Variants in TCF20 observed in about 807,000 individuals in gnomAD.
TCF20 encodes the protein transcription factor 20, also known as SPRE-binding protein.
A neutral mutation model predicts 148.6 loss-of-function variants in TCF20; 3 were observed. The observed-to-expected ratio is 0.02, with a 90% CI of 0.01 to 0.05. TCF20 has a LOEUF of 0.05. TCF20 is among the 10% of genes least tolerant of loss of function. The probability of loss-of-function intolerance (pLI) is 1.00; values close to 1 mark genes in which losing one functional copy is unlikely to be tolerated. For synonymous variants in TCF20, 1,049 were observed against 909.5 expected (o/e 1.15, Z -2.76); for missense variants, 2,350 against 2,429.3 (o/e 0.97, Z 0.69).
chr22:42,268,957 A>G (rs1241314459), intron 1 of TCF20, among the ~76,000 whole-genome samples: 1 of 152,224 alleles, frequency 6.6e-6, no homozygotes, highest in Non-Finnish European at 1.5e-5. Context: ...CAGAGCACAA[A>G]ATGAGAGATA....
intron 1 of TCF20, among the ~76,000 whole-genome samples, chr22:42,245,381 C>T (rs1458017998): frequency 6.6e-6 from 1 of 152,136 alleles, no homozygotes; most frequent in African/African-American, 2.4e-5. Context: ...CTCCTTTACT[C>T]CTGTCTCATT....
chr22:42,244,761 T>G (rs1924765063), intron 1 of TCF20, among the ~76,000 whole-genome samples: 1 of 151,964 alleles, frequency 6.6e-6, no homozygotes, highest in Admixed American at 6.6e-5. Flanking sequence ...AATGATTAAT[T>G]TTGTCACGTG....
At chr22:42,178,837 A>G (rs1358851398) in intron 3 of TCF20, among the ~76,000 whole-genome samples, 2 of 151,914 alleles carry the variant, frequency 1.3e-5, no homozygotes, top group African/African-American at 4.8e-5. Flanking sequence ...CCGGCCTACA[A>G]ATAATTCTTA....
rs565433791 is a variant in TCF20, at chr22:42,200,125, T to C, written c.5655+9526A>G. On this transcript the variant is annotated intron_variant, in intron 2 of 5. Transcript: ENST00000677622. ...TGTATTAGAATCTAGTGTTGACTTA[T>C]CTAAACATGTATATTAGGCTGAACT... 2.0e-4 allele frequency among the ~76,000 whole-genome samples: 31 copies of C among 152,218 alleles called. 1 individual carries two copies. Among genetic ancestry groups the C allele is most frequent in the Non-Finnish European group, 1.8e-4 (12 of 68,030 alleles).
rs1927286657 is a variant in TCF20, at chr22:42,299,130, CA to C, written c.-37+44348del. ...GAACGGAGACCTGGAGGGGTACCCC[CA>C]AAAATCTGGACTTGGCCCTGCAGGC... On this transcript the variant is annotated intron_variant, in intron 1 of 1. Transcript: ENST00000515426. This position sits in a 1 kb window ranked among gnomAD's most constrained non-coding sequence, Gnocchi z 4.1. Among the ~76,000 whole-genome samples the C allele has an allele frequency of 6.6e-6, 1 of 152,188 alleles. No homozygotes were observed. The highest frequency in any genetic ancestry group is 2.4e-5 in the African/African-American group (1 of 41,436).
chr22:42,215,459 G>T, intron 1 of TCF20, 118 bp from the exon 2 acceptor site: 3 of 1,303,292 alleles, frequency 2.3e-6, no homozygotes, highest in Non-Finnish European at 3.0e-6. Flanking sequence ...TGACTGGTTT[G>T]AATTTCTATT....
chr22:42,249,519 C>T (rs79951539), intron 1 of TCF20, among the ~76,000 whole-genome samples: 1,950 of 152,264 alleles, frequency 0.013, 41 homozygotes, highest in African/African-American at 0.044. Context: ...GATAAGTGTA[C>T]ACGGCTACTT....
chr22:42,199,122 C>A (rs1937801461), intron 2 of TCF20, among the ~76,000 whole-genome samples: 1 of 152,148 alleles, frequency 6.6e-6, no homozygotes, highest in Non-Finnish European at 1.5e-5. Context: ...AGGATTGCGG[C>A]ATTCTTCTAC....
At chr22:42,162,881 GGC>G (rs1341311509) in intron 5 of TCF20, among the ~76,000 whole-genome samples, 2 of 152,152 alleles carry the variant, frequency 1.3e-5, no homozygotes, top group South Asian at 2.1e-4. Flanking sequence ...CTGACTACTT[GGC>G]AGAAAACACC....
At chr22:42,266,778 CAAAA>C (rs1926310000) in intron 1 of TCF20, among the ~76,000 whole-genome samples, 1 of 151,978 alleles carries the variant, frequency 6.6e-6, no homozygotes, top group African/African-American at 2.4e-5. Context: ...GACTCCGTCT[CAAAA>C]CAAACAAACA....
At chr22:42,177,360 G>A (rs1936513495) in intron 3 of TCF20, among the ~76,000 whole-genome samples, 1 of 152,158 alleles carries the variant, frequency 6.6e-6, no homozygotes, top group African/African-American at 2.4e-5. Context: ...GGTTGCAGTG[G>A]GCTGAGATCA....
chr22:42,247,101 GA>G (rs1484190059), intron 1 of TCF20, among the ~76,000 whole-genome samples: 2 of 152,012 alleles, frequency 1.3e-5, no homozygotes, highest in African/African-American at 4.8e-5. Context: ...ATTTCATGGA[GA>G]AAAGTAACAT....
chr22:42,250,787 T>C (rs1442617940), intron 1 of TCF20, among the ~76,000 whole-genome samples: 3 of 152,234 alleles, frequency 2.0e-5, no homozygotes, highest in Non-Finnish European at 2.9e-5. Context: ...AGAGATTTAA[T>C]TGGCTTACAG....
chr22:42,214,533 T>C lies in TCF20; in HGVS notation c.773A>G (p.Gln258Arg). The C allele has an allele frequency of 6.2e-7, 1 of 1,614,224 alleles. No homozygotes were observed. Among genetic ancestry groups the C allele is most frequent in the South Asian group, 1.1e-5 (1 of 91,084 alleles). ...CACATTGTAACTGCCATCATAGCTCTGTCCAGACTGGCTAAAACGCTGTGG... is the reference window on the plus strand; with the variant it reads ...CACATTGTAACTGCCATCATAGCTCCGTCCAGACTGGCTAAAACGCTGTGG... ...PSPQRFSQSG[Q>R]SYDGSYNVNA... Residue 258 changes from glutamine to arginine, a missense_variant, in exon 2 of 6, where the codon CAG (glutamine) becomes CGG (arginine). Coordinates refer to ENST00000677622, the MANE Select transcript of TCF20 (RefSeq NM_001378418.1).
Position 42,317,363 on chromosome 22 carries a change from C to T in TCF20, c.-37+26116G>A, listed in dbSNP as rs184816706. Among the ~76,000 whole-genome samples, 467 of 152,260 alleles carry T rather than the reference C, an allele frequency of 3.1e-3. 7 individuals carry two copies. The South Asian group carries it at 0.053, about 17-fold the overall frequency. ...CAAGTTCTCAAGTCTCCCTAGAGTG[C>T]GTGTTTATGTGTGTGGTGGGGAAGG... On this transcript the variant is annotated intron_variant, in intron 1 of 1. Coordinates refer to the TCF20 transcript ENST00000515426. The surrounding 1 kb of genome is among the most constrained non-coding windows in gnomAD (Gnocchi z 4.2).
chr22:42,234,024 A>G (rs1923659008), intron 1 of TCF20, among the ~76,000 whole-genome samples: 1 of 152,250 alleles, frequency 6.6e-6, no homozygotes, highest in Non-Finnish European at 1.5e-5. Flanking sequence ...TAGTACAAAC[A>G]AAATGTAAAA....
At chr22:42,190,119 C>T (rs1045462148) in intron 2 of TCF20, among the ~76,000 whole-genome samples, 1 of 151,964 alleles carries the variant, frequency 6.6e-6, no homozygotes, top group African/African-American at 2.4e-5. Context: ...AAAAAGGGCA[C>T]GGTGGGGGTA....
intron 1 of TCF20, among the ~76,000 whole-genome samples, chr22:42,323,400 C>T (rs1346768175): frequency 6.6e-6 from 1 of 151,744 alleles, no homozygotes; most frequent in Non-Finnish European, 1.5e-5. Context: ...GAGGACATTG[C>T]AGCAGGAATG....
intron 2 of TCF20, among the ~76,000 whole-genome samples, chr22:42,198,613 TGAC>T (rs1569130679): frequency 6.6e-6 from 1 of 151,980 alleles, no homozygotes; most frequent in Non-Finnish European, 1.5e-5. Context: ...TAGAGAATAA[TGAC>T]AAGAAGAAAA....
Sources: allele counts gnomAD v4.1 joint callset (sites outside exome capture counted in the v4.1 genomes callset), GRCh38; gene constraint gnomAD v4.1.1; non-coding constraint Gnocchi (gnomAD v3.1); transcripts MANE v1.5; gene names NCBI Gene and HGNC (gene_info 2026-07-23, HGNC 2026-07-21).